TENM4: variants seen among roughly 807,000 people sequenced by gnomAD.
The protein encoded by TENM4 is teneurin transmembrane protein 4, also known as teneurin-4.
In TENM4, 82 loss-of-function variants were observed where a neutral mutation model predicts 243.3. That is an observed-to-expected ratio of 0.34 (90% confidence interval 0.28 to 0.40). TENM4 has a LOEUF of 0.40. TENM4 is among the 10% of genes least tolerant of loss of function. TENM4 has a pLI of 1.00. For synonymous variants in TENM4, 1,412 were observed against 1,456.3 expected (o/e 0.97, Z 0.69); for missense variants, 3,138 against 3,673.3 (o/e 0.85, Z 3.77).
intron 28 of TENM4, among the ~76,000 whole-genome samples, chr11:78,692,368 A>C (rs908167580): frequency 6.6e-6 from 1 of 152,162 alleles, no homozygotes; most frequent in Admixed American, 6.5e-5. Context: ...TCTCCACCAC[A>C]AATGATACAA....
intron 3 of TENM4, among the ~76,000 whole-genome samples, chr11:79,212,417 C>T (rs571078738): frequency 6.6e-5 from 10 of 152,210 alleles, no homozygotes; most frequent in Non-Finnish European, 1.3e-4. Flanking sequence ...ATCTCTTTTT[C>T]TTCTCCTCTT....
intron 1 of TENM4, among the ~76,000 whole-genome samples, chr11:79,359,610 A>C (rs1288846926): frequency 6.6e-6 from 1 of 152,190 alleles, no homozygotes; most frequent in Non-Finnish European, 1.5e-5. Context: ...AAAGTCTCAT[A>C]AAAATTAATA....
In TENM4 at chr11:79,014,394, T is replaced by C. The variant is rs372080140; in HGVS notation, c.493+50344A>G. Among the ~76,000 whole-genome samples the C allele has an allele frequency of 4.3e-4, 66 of 152,338 alleles. 1 individual carries two copies. In the South Asian group the frequency reaches 0.014, roughly 32 times the overall value. On this transcript the variant is annotated intron_variant, in intron 6 of 33. Coordinates refer to ENST00000278550, the MANE Select transcript of TENM4 (RefSeq NM_001098816.3). Reference sequence around the variant, plus strand: ...GGCCACCGGAACTTTGGAATCCATTTATCTATTAATTTATTATCTAATTAA... The same window carrying C: ...GGCCACCGGAACTTTGGAATCCATTCATCTATTAATTTATTATCTAATTAA...
At position 79,408,931 on chromosome 11, in the gene TENM4, T is replaced by A. The variant is rs1464191688; in HGVS notation, c.-321+31578A>T. Among the ~76,000 whole-genome samples, 4 of 152,194 alleles carry A rather than the reference T, an allele frequency of 2.6e-5. No homozygotes were observed. In the South Asian group the frequency reaches 8.3e-4, roughly 32 times the overall value. The stretch of plus-strand genomic sequence containing the variant: ...AAGCTCATAGCAGAATTAATAATTA[T>A]CACATAACAATATAATTGCATGGCC... On this transcript the variant is annotated intron_variant, in intron 1 of 33. Coordinates refer to ENST00000278550, the MANE Select transcript of TENM4 (RefSeq NM_001098816.3).
chr11:78,737,305 C>T (rs920521676), intron 20 of TENM4, among the ~76,000 whole-genome samples: 1 of 152,162 alleles, frequency 6.6e-6, no homozygotes, highest in Non-Finnish European at 1.5e-5. Flanking sequence ...CCTGGCCTGG[C>T]CAGTTTATCC....
At chr11:79,185,162 G>T (rs1261964309) in intron 3 of TENM4, among the ~76,000 whole-genome samples, 1 of 152,104 alleles carries the variant, frequency 6.6e-6, no homozygotes, top group East Asian at 1.9e-4. Flanking sequence ...GCTGGATGTG[G>T]TGGCACATGC....
intron 1 of TENM4, among the ~76,000 whole-genome samples, chr11:79,393,826 G>C (rs559001967): frequency 6.6e-6 from 1 of 152,322 alleles, no homozygotes; most frequent in East Asian, 1.9e-4. Flanking sequence ...CAGGAGTCTG[G>C]ACTTTGCCCT....
chr11:79,170,095 T>C (rs957561218), intron 3 of TENM4, among the ~76,000 whole-genome samples: 4 of 152,084 alleles, frequency 2.6e-5, no homozygotes, highest in Non-Finnish European at 5.9e-5. Flanking sequence ...CCCTGTGATA[T>C]GTTGGGACCT....
rs763121716 is a variant in TENM4 at position 78,787,030 on chromosome 11, G to A, written c.2233C>T (p.Arg745Cys). Residue 745 changes from arginine to cysteine, a missense_variant, in exon 16 of 34, where the codon CGC (arginine) becomes TGC (cysteine). Around this residue, in one of 2 missense-constraint regions of TENM4, gnomAD observed 2,467 missense variants for 3,059.1 expected, o/e 0.81. Coordinates refer to ENST00000278550, the MANE Select transcript of TENM4 (RefSeq NM_001098816.3). Reference protein sequence around the residue: ...GHGVCVGGTCRCEDGWMGAAC... With the variant: ...GHGVCVGGTCCCEDGWMGAAC... ...GCCCCCATCCAGCCATCCTCGCAGC[G>A]GCAGGTGCCCCCTACGCACACGCCA... is the stretch of plus-strand genomic sequence containing the variant. The A allele has an allele frequency of 7.7e-6, 12 of 1,557,942 alleles. No individual in the cohort carries two copies. The highest frequency in any genetic ancestry group is 1.2e-5 in the South Asian group (1 of 84,450).
At position 79,221,699 on chromosome 11, in the gene TENM4, T is replaced by C. The variant is rs527555684; in HGVS notation, c.-264-5790A>G. 4.6e-5 allele frequency among the ~76,000 whole-genome samples: 7 copies of C among 152,260 alleles called. No homozygotes were observed. In the South Asian group the frequency reaches 1.5e-3, roughly 32 times the overall value. ...GTGAGCCACACAGCGTAATGGAATG[T>C]TTCTCGGTGAGCAGCTGCATATTTT... is the stretch of plus-strand genomic sequence containing the variant. On this transcript the variant is annotated intron_variant, in intron 2 of 33. Coordinates refer to ENST00000278550, the MANE Select transcript of TENM4 (RefSeq NM_001098816.3).
chr11:78,868,220 A>G (rs1270871220), intron 9 of TENM4, among the ~76,000 whole-genome samples: 1 of 152,206 alleles, frequency 6.6e-6, no homozygotes, highest in Non-Finnish European at 1.5e-5. Flanking sequence ...CATCTGTGTT[A>G]CGTCACAGGA....
chr11:79,358,982 T>C (rs1174022425), intron 1 of TENM4, among the ~76,000 whole-genome samples: 1 of 151,502 alleles, frequency 6.6e-6, no homozygotes, highest in East Asian at 1.9e-4. Context: ...AGAATAAATC[T>C]ATGGCTAGGC....
intron 2 of TENM4, among the ~76,000 whole-genome samples, chr11:79,235,185 T>C (rs867919711): frequency 2.1e-4 from 32 of 152,158 alleles, no homozygotes; most frequent in Admixed American, 3.3e-4. Context: ...TGGTGGTGTG[T>C]GCCTGTAATC....
intron 1 of TENM4, among the ~76,000 whole-genome samples, chr11:79,361,738 G>C (rs1208608291): frequency 4.6e-5 from 7 of 151,876 alleles, no homozygotes; most frequent in Non-Finnish European, 8.8e-5. Context: ...TAAACTGTGT[G>C]TTATAGATGG....
At chr11:78,899,559 C>CTGGG (rs375147197) in intron 7 of TENM4, among the ~76,000 whole-genome samples, 1 of 29,590 alleles carries the variant, frequency 3.4e-5, no homozygotes, top group East Asian at 2.0e-3. Context: ...TCTCAAAAAG[C>CTGGG]GGGGGGGGGG....
chr11:78,723,825 C>T (rs1283121370), intron 23 of TENM4, among the ~76,000 whole-genome samples: 1 of 152,166 alleles, frequency 6.6e-6, no homozygotes, highest in East Asian at 1.9e-4. Flanking sequence ...TTAGCTTTGT[C>T]AAAGCTGTCC....
intron 3 of TENM4, among the ~76,000 whole-genome samples, chr11:79,161,292 A>G (rs1862741582): frequency 6.6e-6 from 1 of 151,988 alleles, no homozygotes; most frequent in South Asian, 2.1e-4. Context: ...TTATGGGAAC[A>G]CTCTTGCCTT....
At chr11:79,179,736 G>A (rs1459705070) in intron 3 of TENM4, among the ~76,000 whole-genome samples, 1 of 151,768 alleles carries the variant, frequency 6.6e-6, no homozygotes, top group Non-Finnish European at 1.5e-5. Flanking sequence ...CCAAGCGAGT[G>A]ATTCAATAAA....
chr11:79,306,613 C>T lies in TENM4; in HGVS notation c.-320-9070G>A, dbSNP rs185501955. On this transcript the variant is annotated intron_variant, in intron 1 of 33. Transcript: ENST00000278550. ...AGAAATGGTCACATAAGGAGCAAGACAGTAATTTTCATTCAGTACCAACTA... is the reference window on the plus strand; with the variant it reads ...AGAAATGGTCACATAAGGAGCAAGATAGTAATTTTCATTCAGTACCAACTA... 4.6e-3 allele frequency among the ~76,000 whole-genome samples: 694 copies of T among 152,278 alleles called. 6 individuals are homozygous for T. The highest frequency in any genetic ancestry group is 0.016 in the African/African-American group (668 of 41,558).
Sources: allele counts gnomAD v4.1 joint callset (sites outside exome capture counted in the v4.1 genomes callset), GRCh38; gene constraint gnomAD v4.1.1; regional missense constraint gnomAD v4.1.1; transcripts MANE v1.5; gene names NCBI Gene and HGNC (gene_info 2026-07-23, HGNC 2026-07-21).